Variants in APH1B observed in about 807,000 individuals in gnomAD.
APH1B encodes gamma-secretase subunit APH-1B.
Under a neutral mutation model 28.2 loss-of-function variants are expected in APH1B, and 27 were observed. The observed-to-expected ratio is 0.96, with a 90% CI of 0.70 to 1.32. The LOEUF is 1.32. Ranked by LOEUF, APH1B falls within the 40% of genes most tolerant of loss-of-function variation. The pLI is 0.00. For missense variants in APH1B, 305 were observed against 313.6 expected (o/e 0.97, Z 0.21); for synonymous variants, 141 against 124.6 (o/e 1.13, Z -0.88).
At chr15:63,297,856 G>C (rs999919601) in intron 4 of APH1B, among the ~76,000 whole-genome samples, 3 of 152,192 alleles carry the variant, frequency 2.0e-5, no homozygotes. Flanking sequence ...ATAGCACGTC[G>C]TGATAGTGAA....
At chr15:63,301,299 A>T (rs2038624585) in intron 4 of APH1B, among the ~76,000 whole-genome samples, 1 of 152,200 alleles carries the variant, frequency 6.6e-6, no homozygotes, top group Admixed American at 6.5e-5. Flanking sequence ...TATGAAAGAG[A>T]GTTGTCAGAC....
At chr15:63,281,542 A>C (rs28648894) in intron 2 of APH1B, among the ~76,000 whole-genome samples, 158 of 132,716 alleles carry the variant, frequency 1.2e-3, no homozygotes, top group South Asian at 3.5e-3. Context: ...TTGAAAAAAA[A>C]AAAAAAAAAC....
At chr15:63,282,112 A>C (rs1384243006) in intron 2 of APH1B, among the ~76,000 whole-genome samples, 1 of 152,244 alleles carries the variant, frequency 6.6e-6, no homozygotes, top group Non-Finnish European at 1.5e-5. Flanking sequence ...GTATTAAAAC[A>C]ATTTAAGAAT....
intron 2 of APH1B, among the ~76,000 whole-genome samples, chr15:63,281,552 CAAAA>C (rs78791574): frequency 4.2e-5 from 5 of 119,608 alleles, no homozygotes; most frequent in South Asian, 5.7e-4. Flanking sequence ...AAAAAAAAAA[CAAAA>C]AAAAACACAA....
At chr15:63,294,141 A>G (rs1454759860) in intron 4 of APH1B, among the ~76,000 whole-genome samples, 1 of 151,826 alleles carries the variant, frequency 6.6e-6, no homozygotes, top group African/African-American at 2.4e-5. Context: ...TGAGCAGGAT[A>G]CCATATTACA....
rs1233024488 is a variant in APH1B, at chr15:63,277,725, C to T, written c.102C>T (p.Phe34=). Residue 34 remains phenylalanine, a synonymous_variant, in exon 1 of 6, where the codon TTC becomes TTT. Transcript: ENST00000261879. ...TIATEPLRII[F]LIAGAFFWLV... is the part of the protein sequence containing the mutation. Reference sequence around the variant, plus strand: ...CCACCGAGCCGTTGCGTATCATCTTCCTCATCGCCGGGTGAGGCGGTCGCG... The same window carrying T: ...CCACCGAGCCGTTGCGTATCATCTTTCTCATCGCCGGGTGAGGCGGTCGCG... 3.1e-6 allele frequency: 5 copies of T among 1,610,762 alleles called. No homozygotes were observed. Among genetic ancestry groups the T allele is most frequent in the South Asian group, 1.1e-5 (1 of 90,936 alleles).
Position 63,277,728 on chromosome 15 carries a change from C to T in APH1B, c.105C>T (p.Leu35=), listed in dbSNP as rs779237194. Residue 35 remains leucine, a synonymous_variant, in exon 1 of 6, where the codon CTC becomes CTT. Coordinates refer to ENST00000261879, the MANE Select transcript of APH1B (RefSeq NM_031301.4). ...CCGAGCCGTTGCGTATCATCTTCCT[C>T]ATCGCCGGGTGAGGCGGTCGCGTCG... The part of the protein sequence containing the change: ...IATEPLRIIF[L]IAGAFFWLVS... 7 of 1,610,818 alleles carry T rather than the reference C, an allele frequency of 4.3e-6. No homozygotes were observed. The highest frequency in any genetic ancestry group is 1.1e-5 in the South Asian group (1 of 90,916).
chr15:63,294,749 G>A (rs535681039), intron 4 of APH1B, among the ~76,000 whole-genome samples: 6 of 152,258 alleles, frequency 3.9e-5, no homozygotes, highest in South Asian at 2.1e-4. Context: ...ATAGTTATTC[G>A]AAACCCTCAC....
At chr15:63,295,667 C>T (rs757854515) in intron 4 of APH1B, among the ~76,000 whole-genome samples, 4 of 152,132 alleles carry the variant, frequency 2.6e-5, no homozygotes, top group Non-Finnish European at 5.9e-5. Flanking sequence ...CCACTAGATG[C>T]CAGAAGCACC....
At chr15:63,297,093 G>A (rs1396577598) in intron 4 of APH1B, among the ~76,000 whole-genome samples, 1 of 152,216 alleles carries the variant, frequency 6.6e-6, no homozygotes, top group Non-Finnish European at 1.5e-5. Flanking sequence ...CTGATATACA[G>A]TACTTGTTAG....
At chr15:63,281,755 TTCC>T (rs1390030954) in intron 2 of APH1B, among the ~76,000 whole-genome samples, 1 of 151,878 alleles carries the variant, frequency 6.6e-6, no homozygotes, top group Non-Finnish European at 1.5e-5. Context: ...CACATTATTG[TTCC>T]TCTTTTTTTT....
chr15:63,292,046 T>A (rs944335151), intron 4 of APH1B: 10 of 152,234 alleles, frequency 6.6e-5, no homozygotes, highest in Non-Finnish European at 5.9e-5. Context: ...ACATTTTTTA[T>A]CTTTCATTCA....
chr15:63,281,781 A>G (rs1034697283), intron 2 of APH1B, among the ~76,000 whole-genome samples: 11 of 150,576 alleles, frequency 7.3e-5, no homozygotes, highest in Admixed American at 2.0e-4. Flanking sequence ...TTTAATTTTA[A>G]TTTTTAAAAT....
intron 4 of APH1B, among the ~76,000 whole-genome samples, chr15:63,290,284 G>A (rs895355075): frequency 6.6e-6 from 1 of 151,956 alleles, no homozygotes; most frequent in Non-Finnish European, 1.5e-5. Flanking sequence ...TTTTATTTGT[G>A]GTTATGTTGT....
intron 4 of APH1B, among the ~76,000 whole-genome samples, chr15:63,300,737 T>C (rs1434000358): frequency 1.3e-5 from 2 of 152,244 alleles, no homozygotes; most frequent in Non-Finnish European, 2.9e-5. Flanking sequence ...ACACCAGATA[T>C]AACAGCTTTC....
intron 2 of APH1B, among the ~76,000 whole-genome samples, chr15:63,284,267 G>GC (rs1184639817): frequency 6.8e-6 from 1 of 148,046 alleles, no homozygotes; most frequent in Non-Finnish European, 1.5e-5. Context: ...AGGCTAGAGT[G>GC]CAGTGGTGCA....
rs200512299 is a variant in APH1B, at chr15:63,302,331, C to T, written c.479-14C>T. On this transcript the variant is annotated splice_polypyrimidine_tract_variant and intron_variant, in intron 4 of 5. Coordinates refer to ENST00000261879, the MANE Select transcript of APH1B (RefSeq NM_031301.4). ...TACCTGTAGGAGTGACACTAATGGT[C>T]GGCTCTCTTTCAGCTTTCATGACGC... The T allele has an allele frequency of 8.1e-5, 131 of 1,612,448 alleles. No individual in the cohort carries two copies. The African/African-American group carries it at 1.0e-3, about 12-fold the overall frequency.
At chr15:63,297,071 A>T (rs2038575966) in intron 4 of APH1B, among the ~76,000 whole-genome samples, 1 of 152,252 alleles carries the variant, frequency 6.6e-6, no homozygotes, top group South Asian at 2.1e-4. Flanking sequence ...AGACAGTTAC[A>T]GTCGTCACAA....
intron 4 of APH1B, among the ~76,000 whole-genome samples, chr15:63,289,821 AG>A (rs1320741149): frequency 6.6e-6 from 1 of 152,194 alleles, no homozygotes; most frequent in Non-Finnish European, 1.5e-5. Flanking sequence ...TGGGCAATAT[AG>A]TGAGACCTTG....
Sources: allele counts gnomAD v4.1 joint callset (sites outside exome capture counted in the v4.1 genomes callset), GRCh38; gene constraint gnomAD v4.1.1; transcripts MANE v1.5; gene names NCBI Gene and HGNC (gene_info 2026-07-23, HGNC 2026-07-21).